Variants in HMGA2 observed in about 807,000 individuals in gnomAD.
HMGA2 encodes the protein high mobility group AT-hook 2, also known as high mobility group protein HMGI-C.
In HMGA2, 8 loss-of-function variants were observed where a neutral mutation model predicts 19.1. The observed-to-expected ratio is 0.42, with a 90% confidence interval of 0.25 to 0.76. The LOEUF is 0.76. HMGA2 is among the 30% of genes least tolerant of loss of function. HMGA2 has a pLI of 0.28. For missense variants in HMGA2, 109 were observed against 136.3 expected (o/e 0.80, Z 1.00); for synonymous variants, 60 against 48.8 (o/e 1.23, Z -0.96).
In HMGA2 at chr12:65,923,966, C is replaced by T. The variant is rs112334621; in HGVS notation, c.250-27417C>T. Among the ~76,000 whole-genome samples, 483 of 152,132 alleles carry T rather than the reference C, an allele frequency of 3.2e-3. 1 individual carries two copies. Among genetic ancestry groups the T allele is most frequent in the Middle Eastern group, 0.01 (3 of 294 alleles). ...CGGAGGTTGCAGTGAGCCAAGAGCA[C>T]GCCATTGCACTCCAGCCTGGGCAAC... On this transcript the variant is annotated intron_variant, in intron 3 of 4. Coordinates refer to ENST00000403681, the MANE Select transcript of HMGA2 (RefSeq NM_003483.6).
At chr12:65,907,665 C>T (rs533605662) in intron 3 of HMGA2, among the ~76,000 whole-genome samples, 1 of 152,216 alleles carries the variant, frequency 6.6e-6, no homozygotes, top group South Asian at 2.1e-4. Flanking sequence ...ACTTACAAGG[C>T]ACACAAGCCA....
intron 3 of HMGA2, among the ~76,000 whole-genome samples, chr12:65,902,384 T>G (rs1046178417): frequency 1.3e-5 from 2 of 152,166 alleles, no homozygotes; most frequent in East Asian, 1.9e-4. Flanking sequence ...TATAATATCT[T>G]CATTTTACAC....
At position 65,965,736 on chromosome 12, in the gene HMGA2, A is replaced by G; in HGVS notation, c.*2444A>G. The G allele has an allele frequency of 4.5e-6, 1 of 222,912 alleles. No homozygotes were observed. Among genetic ancestry groups the G allele is most frequent in the Non-Finnish European group, 9.0e-6 (1 of 111,300 alleles). 13.8% of individuals were successfully genotyped at this position (222,912 alleles called of 1,614,324 possible). A position where few individuals can be genotyped will look rare whatever the true frequency, so the allele number is the denominator to read the frequency against. ...AAGCAATTGCTCATGTTGGCCAAAC[A>G]TGGTGCACCGAGTGATTTCCATCTC... On this transcript the variant is annotated 3_prime_UTR_variant, in exon 5 of 5. Coordinates refer to ENST00000403681, the MANE Select transcript of HMGA2 (RefSeq NM_003483.6).
chr12:65,904,683 A>G (rs1281969929), intron 3 of HMGA2, among the ~76,000 whole-genome samples: 1 of 152,178 alleles, frequency 6.6e-6, no homozygotes, highest in Non-Finnish European at 1.5e-5. Flanking sequence ...GATGATACTA[A>G]TTACTTATTT....
At chr12:65,945,877 T>C (rs1040678467) in intron 3 of HMGA2, among the ~76,000 whole-genome samples, 2 of 152,242 alleles carry the variant, frequency 1.3e-5, no homozygotes, top group Non-Finnish European at 2.9e-5. Flanking sequence ...TATATTCATC[T>C]GTCAGTTCAG....
intron 3 of HMGA2, among the ~76,000 whole-genome samples, chr12:65,948,038 G>C (rs1876327556): frequency 6.6e-6 from 1 of 151,922 alleles, no homozygotes; most frequent in Admixed American, 6.6e-5. Flanking sequence ...ATTATATCAG[G>C]GATTAAGAGA....
intron 3 of HMGA2, chr12:65,855,845 C>T (rs1385957126): frequency 6.6e-6 from 1 of 151,132 alleles, no homozygotes; most frequent in Non-Finnish European, 1.5e-5. Flanking sequence ...CCTGTTGGAT[C>T]CTAAATCCCA....
chr12:65,828,552 A>T (rs1038888654), intron 2 of HMGA2: 1 of 181,438 alleles, frequency 5.5e-6, no homozygotes, highest in South Asian at 1.2e-4. Context: ...TCCCCCTATT[A>T]AAGTACTTTG....
intron 3 of HMGA2, among the ~76,000 whole-genome samples, chr12:65,901,744 C>A (rs1874381254): frequency 6.6e-6 from 1 of 152,020 alleles, no homozygotes; most frequent in South Asian, 2.1e-4. Context: ...TGACGTTAAA[C>A]ATTTACTAGA....
At chr12:65,921,296 G>C (rs1298341957) in intron 3 of HMGA2, among the ~76,000 whole-genome samples, 1 of 152,178 alleles carries the variant, frequency 6.6e-6, no homozygotes, top group East Asian at 1.9e-4. Flanking sequence ...GTCTTGCTCT[G>C]TCACCCAGGC....
chr12:65,888,226 C>T (rs1441947945), intron 3 of HMGA2, among the ~76,000 whole-genome samples: 1 of 152,004 alleles, frequency 6.6e-6, no homozygotes, highest in Non-Finnish European at 1.5e-5. Context: ...GAGGCCGAGG[C>T]GGGTGGATCA....
chr12:65,905,051 A>G (rs1170779069), intron 3 of HMGA2, among the ~76,000 whole-genome samples: 1 of 152,148 alleles, frequency 6.6e-6, no homozygotes, highest in Non-Finnish European at 1.5e-5. Flanking sequence ...CAAAAAAAAA[A>G]AAGTTTATTT....
At chr12:65,832,768 C>A (rs1379357428) in intron 2 of HMGA2, among the ~76,000 whole-genome samples, 1 of 151,954 alleles carries the variant, frequency 6.6e-6, no homozygotes, top group African/African-American at 2.4e-5. Context: ...TTTTGAATGG[C>A]ATATTCTATT....
chr12:65,865,901 C>T (rs1169903839), intron 3 of HMGA2, among the ~76,000 whole-genome samples: 2 of 151,984 alleles, frequency 1.3e-5, no homozygotes, highest in Non-Finnish European at 2.9e-5. Flanking sequence ...CTTGGCCTCC[C>T]AATGTGCTGG....
At chr12:65,886,578 C>T (rs1592421401) in intron 3 of HMGA2, among the ~76,000 whole-genome samples, 1 of 151,948 alleles carries the variant, frequency 6.6e-6, no homozygotes, top group East Asian at 1.9e-4. Flanking sequence ...AGGCTGGTCT[C>T]GAACTCCTGA....
chr12:65,857,535 A>T (rs1336555724), intron 3 of HMGA2: 2 of 152,236 alleles, frequency 1.3e-5, no homozygotes, highest in African/African-American at 4.8e-5. Flanking sequence ...AAAGAAAGAA[A>T]TCCCATTCTC....
At chr12:65,901,949 T>C (rs1874389442) in intron 3 of HMGA2, among the ~76,000 whole-genome samples, 1 of 152,164 alleles carries the variant, frequency 6.6e-6, no homozygotes, top group Non-Finnish European at 1.5e-5. Context: ...AAACGAAGTG[T>C]TTTATGTGAG....
chr12:65,947,841 C>G (rs931981253), intron 3 of HMGA2, among the ~76,000 whole-genome samples: 1 of 152,200 alleles, frequency 6.6e-6, no homozygotes, highest in South Asian at 2.1e-4. Context: ...CTGGACTTTG[C>G]AGGTCTGACT....
intron 3 of HMGA2, among the ~76,000 whole-genome samples, chr12:65,916,620 G>A (rs928049332): frequency 2.0e-4 from 30 of 152,202 alleles, no homozygotes; most frequent in African/African-American, 7.0e-4. Context: ...ATCAGTCTTA[G>A]GATGTGCAGG....
Sources: gnomAD v4.1 joint callset for allele counts (sites outside exome capture counted in the v4.1 genomes callset) on GRCh38, gnomAD v4.1.1 for gene constraint, MANE v1.5 for transcripts, NCBI Gene and HGNC (gene_info 2026-07-23, HGNC 2026-07-21) for gene names.